The following NFRKB variants were observed in gnomAD, a reference collection of about 807,000 sequenced individuals.
NFRKB encodes the protein nuclear factor related to kappa-B-binding protein.
NFRKB carries 62 observed loss-of-function variants against 135.7 expected under a neutral mutation model. That is an observed-to-expected ratio of 0.46 (90% CI 0.37 to 0.56). The LOEUF (loss-of-function observed/expected upper bound fraction) is 0.56. NFRKB is among the 20% of genes least tolerant of loss of function. The pLI is 0.00. For missense variants in NFRKB, 1,545 were observed against 1,662.0 expected, an observed-to-expected ratio of 0.93 and a Z score of 1.22; for synonymous variants, 678 against 635.6, an observed-to-expected ratio of 1.07 and a Z score of -1.00.
chr11:129,872,513 A>C, intron 23 of NFRKB: 1 of 175,722 alleles, frequency 5.7e-6, no homozygotes. Context: ...TTCGATGATT[A>C]TTCTTTTATA....
chr11:129,876,659 T>TCAGA (rs371427623), intron 17 of NFRKB, 62 bp downstream of exon 17: 6 of 1,559,176 alleles, frequency 3.8e-6, no homozygotes, highest in Non-Finnish European at 5.2e-6. Flanking sequence ...AGTTCAGAGT[T>TCAGA]GGTAAGAGAA....
At chr11:129,868,653 T>G (rs55778835) in intron 24 of NFRKB, among the ~76,000 whole-genome samples, 25,004 of 152,236 alleles carry the variant, frequency 0.16, 2,199 homozygotes, top group South Asian at 0.27. Context: ...GCAGAGCCCC[T>G]TCTACCGGTT....
At chr11:129,881,536 C>T in intron 12 of NFRKB, 28 bp from the exon 13 acceptor site, 2 of 1,613,592 alleles carry the variant, frequency 1.2e-6, no homozygotes, top group Non-Finnish European at 1.7e-6. Context: ...CATAAACAAA[C>T]CATACAGGTG....
chr11:129,878,312 C>T lies in NFRKB; in HGVS notation c.1508G>A (p.Arg503Gln), dbSNP rs150663258. Residue 503 changes from arginine (R) to glutamine (Q), a missense_variant, in exon 15 of 27, where the codon CGG becomes CAG. Arg to Gln is a conservative substitution (Grantham distance 43). Coordinates refer to ENST00000682444, the MANE Select transcript of NFRKB (RefSeq NM_001143835.2). ...DSSDATTPVP[R>Q]VRTDYVVRPS... is the part of the protein sequence containing the mutation. The stretch of plus-strand genomic sequence containing the variant: ...ACCACTACAGTATTGTACTCACACC[C>T]GAGGGACAGGTGTTGTGGCATCTGA... 33 of 1,614,068 alleles carry T rather than the reference C, an allele frequency of 2.0e-5. No individual in the cohort carries two copies. The highest frequency in any genetic ancestry group is 2.6e-5 in the Non-Finnish European group (31 of 1,179,948).
In NFRKB at chr11:129,884,274, A is replaced by G. The variant is rs548932573; in HGVS notation, c.743-131T>C. 13 of 907,940 alleles carry G rather than the reference A, an allele frequency of 1.4e-5. No homozygotes were observed. The East Asian group carries it at 2.7e-4, about 19-fold the overall frequency. The allele number at this position is 907,940 out of a possible 1,614,324, so 56.2% of individuals were successfully genotyped here. A position where few individuals can be genotyped will look rare whatever the true frequency, so the allele number is the denominator to read the frequency against. ...TGAACTACAAGTACCAAAAATCTTT[A>G]AAGTCACAGGATCGACACTTCCACT... On this transcript the variant is annotated intron_variant, in intron 7 of 26. Coordinates refer to ENST00000682444, the MANE Select transcript of NFRKB (RefSeq NM_001143835.2).
rs1481185934 is a variant in NFRKB at position 129,869,874 on chromosome 11, T to A, written c.3151A>T (p.Thr1051Ser). The A allele has an allele frequency of 1.2e-6, 2 of 1,614,126 alleles. No homozygotes were observed. Among genetic ancestry groups the A allele is most frequent in the East Asian group, 2.2e-5 (1 of 44,890 alleles). Residue 1051 changes from threonine (T) to serine (S), a missense_variant, in exon 24 of 27, where the codon ACA becomes TCA. Physicochemically the swap from Thr to Ser is moderately conservative, Grantham distance 58 (BLOSUM62 1). Around this residue, in one of 3 missense-constraint regions of NFRKB, gnomAD observed 753 missense variants for 804.3 expected, o/e 0.94. Coordinates refer to ENST00000682444, the MANE Select transcript of NFRKB (RefSeq NM_001143835.2). The stretch of plus-strand genomic sequence containing the variant: ...CGAAAAGCCGAACTTGAGGCTTCTG[T>A]TGGCTTGAGGTCAGGAGTCACTTTG... Reference protein sequence around the residue: ...VVKVTPDLKPTEASSSAFRLM... With the variant: ...VVKVTPDLKPSEASSSAFRLM...
chr11:129,875,059 T>C, intron 18 of NFRKB, 143 bp from the exon 19 acceptor site: 1 of 1,058,700 alleles, frequency 9.4e-7, no homozygotes, highest in African/African-American at 1.6e-5. Context: ...TCCCAATAGT[T>C]CCCCAAATCG....
intron 22 of NFRKB, among the ~76,000 whole-genome samples, chr11:129,873,469 G>A (rs1047199382): frequency 6.6e-6 from 1 of 152,164 alleles, no homozygotes; most frequent in African/African-American, 2.4e-5. Flanking sequence ...GACTCACAAG[G>A]TCCGCATTTA....
chr11:129,888,377 A>C, intron 4 of NFRKB: 2 of 682,904 alleles, frequency 2.9e-6, no homozygotes, highest in East Asian at 2.7e-5. Flanking sequence ...TGCTGGTTAC[A>C]AGCTGAATTC....
At chr11:129,865,448 G>A (rs993871738) in intron 25 of NFRKB, among the ~76,000 whole-genome samples, 3 of 152,158 alleles carry the variant, frequency 2.0e-5, no homozygotes, top group Non-Finnish European at 4.4e-5. Context: ...TGAGACTGCA[G>A]ACTCATTTCA....
intron 5 of NFRKB, among the ~76,000 whole-genome samples, chr11:129,886,041 G>A (rs1409904434): frequency 6.6e-6 from 1 of 152,250 alleles, no homozygotes; most frequent in East Asian, 1.9e-4. Flanking sequence ...AATAACCCAT[G>A]ATAGATCCAA....
At chr11:129,894,737 A>T (rs986732891) in intron 1 of NFRKB, among the ~76,000 whole-genome samples, 1 of 152,254 alleles carries the variant, frequency 6.6e-6, no homozygotes, top group Non-Finnish European at 1.5e-5. Context: ...AAATAAGTGA[A>T]GCGGGTGAGA....
rs764411100 is a variant in NFRKB at position 129,869,798 on chromosome 11, G to A, written c.3227C>T (p.Thr1076Ile). 8 of 1,614,136 alleles carry A rather than the reference G, an allele frequency of 5.0e-6. No individual in the cohort carries two copies. The highest frequency in any genetic ancestry group is 1.7e-5 in the Admixed American group (1 of 60,014). The change falls in exon 24 of 27, where the codon ACA (threonine) becomes ATA (isoleucine). Residue 1076 changes from threonine to isoleucine, a missense_variant. Physicochemically the swap from Thr to Ile is moderately conservative, Grantham distance 89 (BLOSUM62 -1). Transcript: ENST00000682444. ...VSVADQKGKS[T>I]VASSEAKPAA... ...TGGTTTTGCTTCTGAAGAGGCCACT[G>A]TGCTTTTTCCCTTCTGGTCAGCCAC...
chr11:129,871,832 C>G (rs560558640), intron 23 of NFRKB, among the ~76,000 whole-genome samples: 2 of 152,172 alleles, frequency 1.3e-5, no homozygotes, highest in African/African-American at 2.4e-5. Context: ...CCTTGCTCAC[C>G]ATCTTCCAGT....
chr11:129,883,103 G>A lies in NFRKB; in HGVS notation c.901+19C>T, dbSNP rs749858916. 12 of 1,611,996 alleles carry A rather than the reference G, an allele frequency of 7.4e-6. No individual in the cohort carries two copies. Among genetic ancestry groups the A allele is most frequent in the Non-Finnish European group, 1.0e-5 (12 of 1,178,308 alleles). ...CACCATAGTCAGATGAAGGCTCCTA[G>A]AGGGGCCCAGTCATTTACCTGCCAG... On this transcript the variant is annotated intron_variant, in intron 9 of 26. Coordinates refer to ENST00000682444, the MANE Select transcript of NFRKB (RefSeq NM_001143835.2).
chr11:129,879,662 T>A (rs1948936984), intron 13 of NFRKB, among the ~76,000 whole-genome samples: 1 of 152,144 alleles, frequency 6.6e-6, no homozygotes, highest in Non-Finnish European at 1.5e-5. Context: ...ATCTCTATAG[T>A]CAACCCCTGC....
At chr11:129,877,482 G>C in intron 15 of NFRKB, 97 bp from the exon 16 acceptor site, 2 of 1,134,810 alleles carry the variant, frequency 1.8e-6, no homozygotes, top group South Asian at 1.2e-5. Flanking sequence ...GACATGGAAA[G>C]ATGTCCCTCA....
chr11:129,882,523 A>G lies in NFRKB; in HGVS notation c.1010T>C (p.Leu337Pro). ...AGGTGCGACCCCTTCAGTACTGCTT[A>G]GCGGCTCGGCCAGGTCCTCTGCCTC... ...KSEAEDLAEP[L>P]SSTEGVAPLS... The change falls in exon 10 of 27, where the codon CTA (leucine) becomes CCA (proline). Residue 337 changes from leucine (L) to proline (P), a missense_variant. Leu to Pro is a moderately conservative substitution (Grantham distance 98). This residue lies in a region of NFRKB where 678 missense variants were observed against 646.7 expected (regional missense o/e 1.05). Transcript: ENST00000682444. 12 of 1,614,088 alleles carry G rather than the reference A, an allele frequency of 7.4e-6. No individual in the cohort carries two copies. The highest frequency in any genetic ancestry group is 1.1e-5 in the South Asian group (1 of 91,072).
intron 4 of NFRKB, 59 bp downstream of exon 4, chr11:129,888,535 T>A: frequency 2.7e-6 from 4 of 1,456,844 alleles, no homozygotes; most frequent in Non-Finnish European, 3.9e-6. Context: ...AATACCCACA[T>A]AAAGTGAACG....
Sources: gnomAD v4.1 joint callset for allele counts (sites outside exome capture counted in the v4.1 genomes callset) on GRCh38, gnomAD v4.1.1 for gene constraint, gnomAD v4.1.1 regional missense constraint, MANE v1.5 for transcripts, NCBI Gene and HGNC (gene_info 2026-07-23, HGNC 2026-07-21) for gene names.